Variants in ARID4A observed in about 807,000 individuals in gnomAD.
ARID4A encodes the protein AT-rich interaction domain 4A, also known as AT-rich interactive domain-containing protein 4A.
In ARID4A, 39 loss-of-function variants were observed where a neutral mutation model predicts 148.6. The ratio of observed to expected loss-of-function variants is 0.26; its 90% CI spans 0.20 to 0.34. ARID4A has a LOEUF of 0.34. Ranked by LOEUF, ARID4A falls within the 10% of genes least tolerant of loss-of-function variation. ARID4A has a pLI of 1.00. For missense variants in ARID4A, 1,265 were observed against 1,449.1 expected, an observed-to-expected ratio of 0.87 and a Z score of 2.06; for synonymous variants, 475 against 481.2, an observed-to-expected ratio of 0.99 and a Z score of 0.17.
intron 3 of ARID4A, 69 bp downstream of exon 3, chr14:58,301,759 C>A: frequency 3.6e-6 from 4 of 1,116,892 alleles, no homozygotes; most frequent in African/African-American, 1.5e-5. Context: ...AGAGAGACTG[C>A]AAATCAGCAT....
chr14:58,332,901 T>A (rs1223011992), intron 11 of ARID4A, among the ~76,000 whole-genome samples: 4 of 152,164 alleles, frequency 2.6e-5, no homozygotes, highest in African/African-American at 9.6e-5. Flanking sequence ...AAGCAAATTT[T>A]ATGCAGTAGA....
rs774338665 is a variant in ARID4A, at chr14:58,372,434, T to C, written c.*445T>C. ...TGAGTAGGGGGTTTATGTTGTGTTT[T>C]TTTTCATTATCGTTTTTTTTATTTT... is the stretch of plus-strand genomic sequence containing the variant. On this transcript the variant is annotated 3_prime_UTR_variant, in exon 24 of 24. Coordinates refer to ENST00000355431, the MANE Select transcript of ARID4A (RefSeq NM_002892.4). 6.9e-5 allele frequency: 16 copies of C among 231,958 alleles called. No individual in the cohort carries two copies. The highest frequency in any genetic ancestry group is 9.4e-5 in the Non-Finnish European group (11 of 117,566). The allele number at this position is 231,958 out of a possible 1,614,324, so 14.4% of individuals were successfully genotyped here. A position where few individuals can be genotyped will look rare whatever the true frequency, so the allele number is the denominator to read the frequency against.
chr14:58,361,490 AT>A (rs2035129513), intron 19 of ARID4A, among the ~76,000 whole-genome samples: 1 of 152,190 alleles, frequency 6.6e-6, no homozygotes, highest in African/African-American at 2.4e-5. Context: ...TTGACTCTGA[AT>A]TTATATGCCA....
chr14:58,313,630 T>A lies in ARID4A; in HGVS notation c.275-4912T>A, dbSNP rs368391876. 8.9e-4 allele frequency among the ~76,000 whole-genome samples: 136 copies of A among 152,246 alleles called. 3 individuals are homozygous for A. In the South Asian group the frequency reaches 0.027, roughly 30 times the overall value. The stretch of plus-strand genomic sequence containing the variant: ...GAGAATGACCATGACAGGTTCTCTG[T>A]AAGCTGGAGACCTGAGATGCCAATA... On this transcript the variant is annotated intron_variant, in intron 5 of 23. Transcript: ENST00000355431.
chr14:58,371,837 T>G (rs1387149507), intron 23 of ARID4A, 49 bp from the exon 24 acceptor site: 1 of 1,390,996 alleles, frequency 7.2e-7, no homozygotes, highest in Non-Finnish European at 1.0e-6. Context: ...TAGCTGGGTA[T>G]CTTTGTGTAA....
Position 58,302,583 on chromosome 14 carries a change from AG to A in ARID4A, c.117+895del, listed in dbSNP as rs1205831680. Among the ~76,000 whole-genome samples, 4 of 151,692 alleles carry A rather than the reference AG, an allele frequency of 2.6e-5. No homozygotes were observed. The East Asian group carries it at 7.7e-4, about 29-fold the overall frequency. On this transcript the variant is annotated intron_variant, in intron 3 of 23. Coordinates refer to ENST00000355431, the MANE Select transcript of ARID4A (RefSeq NM_002892.4). ...TGAGGCAGGAGAATCGCTTGAACCCAGGAGGTGGAGATTGCAGTGAGCCGAA... is the reference window on the plus strand; with the variant it reads ...TGAGGCAGGAGAATCGCTTGAACCCAGAGGTGGAGATTGCAGTGAGCCGAA...
intron 11 of ARID4A, among the ~76,000 whole-genome samples, chr14:58,337,264 AT>A (rs1566696821): frequency 2.2e-5 from 3 of 137,096 alleles, no homozygotes; most frequent in African/African-American, 8.0e-5. Flanking sequence ...ATATATATAT[AT>A]ATAATTAAAA....
chr14:58,323,481 T>C lies in ARID4A; in HGVS notation c.450-4T>C, dbSNP rs1433062299. ...GATAATGATCAAGTTATTCTAACTT[T>C]TAGTACTGAAGATGAAAAGGAAGAA... On this transcript the variant is annotated splice_region_variant and splice_polypyrimidine_tract_variant and intron_variant, in intron 7 of 23. Coordinates refer to ENST00000355431, the MANE Select transcript of ARID4A (RefSeq NM_002892.4). 2 of 1,606,340 alleles carry C rather than the reference T, an allele frequency of 1.2e-6. No individual in the cohort carries two copies. Among genetic ancestry groups the C allele is most frequent in the Non-Finnish European group, 1.7e-6 (2 of 1,172,900 alleles).
intron 1 of ARID4A, 36 bp downstream of exon 1, chr14:58,298,736 G>A (rs962987031): frequency 1.3e-5 from 2 of 152,546 alleles, no homozygotes; most frequent in Non-Finnish European, 2.9e-5. Context: ...GATACTGAAT[G>A]GACGAAGTGG....
intron 11 of ARID4A, among the ~76,000 whole-genome samples, chr14:58,333,842 T>C (rs2033658995): frequency 6.6e-6 from 1 of 152,132 alleles, no homozygotes; most frequent in Non-Finnish European, 1.5e-5. Context: ...CATGCTAAAT[T>C]GGTGGAATTT....
Position 58,318,531 on chromosome 14 carries a change from G to A in ARID4A, c.275-11G>A, listed in dbSNP as rs369309837. Reference sequence around the variant, plus strand: ...GTGCATAAATTCTCTGTTATCTTTTGCTTATTATAGTGTTTGATGATGGTG... The same window carrying A: ...GTGCATAAATTCTCTGTTATCTTTTACTTATTATAGTGTTTGATGATGGTG... On this transcript the variant is annotated splice_polypyrimidine_tract_variant and intron_variant, in intron 5 of 23. Transcript: ENST00000355431. The A allele has an allele frequency of 8.9e-5, 143 of 1,613,056 alleles. No homozygotes were observed. The highest frequency in any genetic ancestry group is 1.2e-4 in the Non-Finnish European group (141 of 1,179,346).
chr14:58,355,124 G>T (rs572601492), intron 17 of ARID4A, among the ~76,000 whole-genome samples: 1 of 152,270 alleles, frequency 6.6e-6, no homozygotes, highest in African/African-American at 2.4e-5. Context: ...TGCCTTTCTT[G>T]TTCTCTTTTA....
At chr14:58,335,862 G>A (rs918168850) in intron 11 of ARID4A, among the ~76,000 whole-genome samples, 6 of 152,032 alleles carry the variant, frequency 3.9e-5, no homozygotes, top group African/African-American at 2.4e-5. Flanking sequence ...TGCCCACTTC[G>A]TTTGGTTTCT....
chr14:58,322,902 G>A (rs375140544), intron 7 of ARID4A, among the ~76,000 whole-genome samples: 1 of 139,714 alleles, frequency 7.2e-6, no homozygotes, highest in East Asian at 2.1e-4. Context: ...GGCAGAGGTT[G>A]CAGTTAGCTG....
chr14:58,301,395 A>G (rs1305575869), intron 2 of ARID4A, among the ~76,000 whole-genome samples, 185 bp from the exon 3 acceptor site: 1 of 152,242 alleles, frequency 6.6e-6, no homozygotes, highest in African/African-American at 2.4e-5. Flanking sequence ...TCATATCAGG[A>G]CATCAGTCTA....
At chr14:58,318,880 C>A in intron 7 of ARID4A, 75 bp downstream of exon 7, 1 of 1,241,826 alleles carries the variant, frequency 8.1e-7, no homozygotes, top group Non-Finnish European at 1.2e-6. Flanking sequence ...GTTAGGATGG[C>A]TAAATTCATT....
chr14:58,351,301 G>T lies in ARID4A; in HGVS notation c.1633G>T (p.Glu545Ter). 6.2e-7 allele frequency: 1 copy of T among 1,601,910 alleles called. No individual in the cohort carries two copies. The highest frequency in any genetic ancestry group is 1.1e-5 in the South Asian group (1 of 87,970). Residue 545 changes from glutamate (E) to a stop codon, truncating the protein, a stop_gained, in exon 16 of 24, where the codon GAG (glutamate) becomes TAG (stop). Coordinates refer to ENST00000355431, the MANE Select transcript of ARID4A (RefSeq NM_002892.4). LOFTEE classifies it high-confidence loss of function. ...GGATTCTGACAAAGACTCAGATGAA[G>T]AGGAAGAGAAAAGCCAAGAGAGGTA... ...QEDSDKDSDE[E>*]EEKSQEREET...
intron 21 of ARID4A, 34 bp downstream of exon 21, chr14:58,365,656 G>A (rs1488851564): frequency 6.4e-7 from 1 of 1,565,740 alleles, no homozygotes; most frequent in Non-Finnish European, 8.8e-7. Context: ...TTTGTATAGT[G>A]TTAGTATTTT....
chr14:58,312,453 T>C (rs776057946), intron 5 of ARID4A, among the ~76,000 whole-genome samples: 11 of 152,116 alleles, frequency 7.2e-5, no homozygotes, highest in Non-Finnish European at 8.8e-5. Context: ...TGAGCTCAAG[T>C]GATCCACCTG....
Sources: allele counts gnomAD v4.1 joint callset (sites outside exome capture counted in the v4.1 genomes callset), GRCh38; gene constraint gnomAD v4.1.1; transcripts MANE v1.5; gene names NCBI Gene and HGNC (gene_info 2026-07-23, HGNC 2026-07-21).